The following KLF8 variants were observed in gnomAD, a reference collection of about 807,000 sequenced individuals.
KLF8 encodes the protein Krueppel-like factor 8.
A neutral mutation model predicts 18.2 loss-of-function variants in KLF8; 10 were observed. The ratio of observed to expected loss-of-function variants is 0.55; its 90% CI spans 0.34 to 0.93. The LOEUF is 0.93. Among genes scored for constraint, KLF8 ranks in the 40% least tolerant of loss-of-function variants. KLF8 has a pLI of 0.02. For synonymous variants in KLF8, 109 were observed against 97.3 expected (o/e 1.12, Z -0.71); for missense variants, 264 against 277.9 (o/e 0.95, Z 0.36).
upstream of KLF8, among the ~76,000 whole-genome samples, chrX:56,230,565 C>A (rs2066392794): frequency 9.0e-6 from 1 of 111,261 alleles, no homozygotes; most frequent in South Asian, 3.8e-4. Flanking sequence ...CAGGGACATT[C>A]TTTTATGAAA....
At chrX:56,157,948 G>T in the KLF8 span, among the ~76,000 whole-genome samples, 1 of 111,956 alleles carries the variant, frequency 8.9e-6, no homozygotes, top group Middle Eastern at 4.6e-3. Flanking sequence ...TGGTGTTTTA[G>T]ACATGAAGTC....
At chrX:55,928,978 A>T in the KLF8 span, among the ~76,000 whole-genome samples, 2 of 112,128 alleles carry the variant, frequency 1.8e-5, no homozygotes, top group Non-Finnish European at 1.9e-5. Context: ...AATAATTTAC[A>T]TTCCCACCAA....
chrX:56,047,608 T>A, the KLF8 span, among the ~76,000 whole-genome samples: 1 of 111,359 alleles, frequency 9.0e-6, no homozygotes, highest in African/African-American at 3.3e-5. Flanking sequence ...TCATTTTTTA[T>A]GGCTGCAGAG....
At chrX:56,046,562 GT>G in the KLF8 span, among the ~76,000 whole-genome samples, 2 of 109,498 alleles carry the variant, frequency 1.8e-5, no homozygotes, top group South Asian at 3.9e-4. Flanking sequence ...AGTTCTTTTA[GT>G]GCTGAATTGG....
At chrX:56,059,858 A>T in the KLF8 span, among the ~76,000 whole-genome samples, 1 of 112,194 alleles carries the variant, frequency 8.9e-6, no homozygotes, top group Admixed American at 9.5e-5. Context: ...TTCCATATGT[A>T]ATTTAAAGTA....
chrX:56,041,568 G>T, the KLF8 span, among the ~76,000 whole-genome samples: 2 of 109,324 alleles, frequency 1.8e-5, no homozygotes, highest in African/African-American at 3.3e-5. Flanking sequence ...TCTGATCTTG[G>T]TTATTTCTTG....
intron 5 of KLF8, among the ~76,000 whole-genome samples, 158 bp from the exon 6 acceptor site, chrX:56,284,155 T>A (rs1258564300): frequency 1.8e-5 from 2 of 112,889 alleles, no homozygotes; most frequent in East Asian, 2.8e-4. Context: ...TGCTTCTCAA[T>A]CAATTAATTA....
chrX:56,244,307 T>A (rs1359073716), intron 1 of KLF8, among the ~76,000 whole-genome samples: 1 of 112,018 alleles, frequency 8.9e-6, no homozygotes, highest in Non-Finnish European at 1.9e-5. Flanking sequence ...CCTTCTGGTC[T>A]CATGTGATCC....
the KLF8 span, among the ~76,000 whole-genome samples, chrX:56,197,602 T>G: frequency 1.8e-5 from 2 of 111,688 alleles, no homozygotes; most frequent in Admixed American, 9.5e-5. Context: ...ATTAATAGCC[T>G]ACCAACCAAA....
the KLF8 span, among the ~76,000 whole-genome samples, chrX:55,911,442 A>G: frequency 8.9e-6 from 1 of 112,598 alleles, no homozygotes; most frequent in Non-Finnish European, 1.9e-5. Context: ...TTAAGGAAAT[A>G]TTACAAGATT....
At chrX:56,121,868 G>A in the KLF8 span, among the ~76,000 whole-genome samples, 9 of 112,097 alleles carry the variant, frequency 8.0e-5, no homozygotes, top group Admixed American at 1.9e-4. Flanking sequence ...ATTTCCAACT[G>A]TGTGTGTGTC....
At chrX:55,922,105 C>T in the KLF8 span, among the ~76,000 whole-genome samples, 1 of 112,446 alleles carries the variant, frequency 8.9e-6, no homozygotes, top group South Asian at 3.7e-4. Context: ...CTCAGCAATC[C>T]CATTACTGGG....
the KLF8 span, among the ~76,000 whole-genome samples, chrX:56,080,918 C>A: frequency 9.0e-6 from 1 of 110,965 alleles, no homozygotes; most frequent in Admixed American, 9.6e-5. Flanking sequence ...ATCACTGATA[C>A]CCTTTCTTCC....
At chrX:56,009,362 G>A in the KLF8 span, among the ~76,000 whole-genome samples, 1 of 111,229 alleles carries the variant, frequency 9.0e-6, no homozygotes, top group Admixed American at 9.5e-5. Flanking sequence ...GTGGAAGAGA[G>A]GCCTGACTGT....
the KLF8 span, among the ~76,000 whole-genome samples, chrX:56,059,939 T>C: frequency 2.7e-5 from 3 of 112,234 alleles, no homozygotes; most frequent in African/African-American, 9.7e-5. Context: ...TAAATTACTT[T>C]AGGCAATATG....
the KLF8 span, among the ~76,000 whole-genome samples, chrX:56,188,549 G>T: frequency 4.5e-5 from 5 of 111,717 alleles, no homozygotes; most frequent in Admixed American, 4.8e-4. Flanking sequence ...CCAAAAAAGA[G>T]ACGCATCACC....
the KLF8 span, among the ~76,000 whole-genome samples, chrX:55,911,336 G>A: frequency 9.0e-6 from 1 of 111,058 alleles, no homozygotes; most frequent in Non-Finnish European, 1.9e-5. Context: ...TGTTTTTCAA[G>A]GGTCAACTAT....
chrX:55,967,580 C>G, the KLF8 span, among the ~76,000 whole-genome samples: 1 of 110,952 alleles, frequency 9.0e-6, no homozygotes, highest in Non-Finnish European at 1.9e-5. Context: ...GGGATTTCAC[C>G]AACACCAGAC....
chrX:56,099,155 T>A, the KLF8 span, among the ~76,000 whole-genome samples: 1 of 112,063 alleles, frequency 8.9e-6, no homozygotes, highest in Non-Finnish European at 1.9e-5. Flanking sequence ...CATCATGTGC[T>A]CATTTTGTGT....
Sources: gnomAD v4.1 joint callset for allele counts (sites outside exome capture counted in the v4.1 genomes callset) on GRCh38, gnomAD v4.1.1 for gene constraint, MANE v1.5 for transcripts, NCBI Gene and HGNC (gene_info 2026-07-23, HGNC 2026-07-21) for gene names.